TERB1: variants seen among roughly 807,000 people sequenced by gnomAD.
TERB1 encodes the protein telomere repeat binding bouquet formation protein 1.
In TERB1, 63 loss-of-function variants were observed where a neutral mutation model predicts 92.3. The ratio of observed to expected loss-of-function variants is 0.68; its 90% CI spans 0.56 to 0.84. TERB1 has a LOEUF of 0.84. Ranked by LOEUF, TERB1 falls within the 40% of genes least tolerant of loss-of-function variation. The pLI, the probability that TERB1 is intolerant of heterozygous loss-of-function variation, is 0.00. For missense variants in TERB1, 709 were observed against 843.7 expected (o/e 0.84, Z 1.98); for synonymous variants, 252 against 283.9 (o/e 0.89, Z 1.13).
chr16:66,758,516 G>A (rs1474827627), intron 18 of TERB1: 2 of 310,726 alleles, frequency 6.4e-6, no homozygotes, highest in Non-Finnish European at 1.2e-5. Flanking sequence ...CAAGGTGGGT[G>A]GATCACTTGA....
intron 2 of TERB1, among the ~76,000 whole-genome samples, chr16:66,797,433 C>T (rs924598351): frequency 2.6e-5 from 4 of 151,722 alleles, no homozygotes; most frequent in East Asian, 1.9e-4. Flanking sequence ...GACGGGGTTT[C>T]GCCATATTGC....
chr16:66,795,906 G>A (rs537602852), intron 3 of TERB1, among the ~76,000 whole-genome samples: 5 of 152,078 alleles, frequency 3.3e-5, no homozygotes, highest in South Asian at 4.2e-4. Flanking sequence ...GTACCACCAC[G>A]CCCAGTTAAT....
Position 66,786,298 on chromosome 16 carries a change from G to T in TERB1, c.401-13C>A. 6.5e-7 allele frequency: 1 copy of T among 1,529,770 alleles called. No homozygotes were observed. The highest frequency in any genetic ancestry group is 8.8e-7 in the Non-Finnish European group (1 of 1,133,136). 94.8% of individuals were successfully genotyped at this position (1,529,770 alleles called of 1,614,324 possible). On this transcript the variant is annotated splice_polypyrimidine_tract_variant and intron_variant, in intron 6 of 18. Coordinates refer to ENST00000433154, the MANE Select transcript of TERB1 (RefSeq NM_001136505.2). ...GTTTGTCCGGTCCCTTAAAAAAATA[G>T]CCATATAAAAATATGAGTTTTATTT... is the stretch of plus-strand genomic sequence containing the variant.
intron 17 of TERB1, 145 bp downstream of exon 17, chr16:66,758,996 G>T: frequency 1.1e-6 from 1 of 924,186 alleles, no homozygotes. Context: ...TACTCCCTGG[G>T]TACATCTTCA....
chr16:66,783,139 G>C (rs1352170116), intron 9 of TERB1, among the ~76,000 whole-genome samples: 1 of 152,128 alleles, frequency 6.6e-6, no homozygotes, highest in African/African-American at 2.4e-5. Flanking sequence ...TAGGCATAAG[G>C]CACTACACCT....
In TERB1 at chr16:66,778,886, A is replaced by G. The variant is rs1294256842; in HGVS notation, c.830T>C (p.Val277Ala). Reference sequence around the variant, plus strand: ...ACGATTATCAGCAATGCATGCATCCACAGTCTTCGTCACAACCACTGCAAG... The same window carrying G: ...ACGATTATCAGCAATGCATGCATCCGCAGTCTTCGTCACAACCACTGCAAG... ...AKLAVVVTKT[V>A]DACIADNPTF... is the part of the protein sequence containing the mutation. Residue 277 changes from valine to alanine, a missense_variant, in exon 10 of 19, where the codon GTG becomes GCG. Coordinates refer to ENST00000433154, the MANE Select transcript of TERB1 (RefSeq NM_001136505.2). 6.6e-7 allele frequency: 1 copy of G among 1,513,646 alleles called. No homozygotes were observed. The highest frequency in any genetic ancestry group is 8.9e-7 in the Non-Finnish European group (1 of 1,120,610). 93.8% of individuals were successfully genotyped at this position (1,513,646 alleles called of 1,614,324 possible).
chr16:66,769,049 G>C (rs2018398234), intron 14 of TERB1, among the ~76,000 whole-genome samples: 1 of 151,444 alleles, frequency 6.6e-6, no homozygotes, highest in Non-Finnish European at 1.5e-5. Flanking sequence ...AGGTTGCGGT[G>C]AGCCGAGATC....
At chr16:66,788,100 TA>T (rs2018758220) in intron 6 of TERB1, 68 bp downstream of exon 6, 1 of 1,221,820 alleles carries the variant, frequency 8.2e-7, no homozygotes, top group African/African-American at 1.6e-5. Context: ...AGAACTCAAA[TA>T]AAAAATTAAT....
chr16:66,777,150 T>G, intron 11 of TERB1, 53 bp downstream of exon 11: 1 of 1,434,098 alleles, frequency 7.0e-7, no homozygotes. Flanking sequence ...AAAACAGAAG[T>G]ATATTTCCGC....
intron 13 of TERB1, among the ~76,000 whole-genome samples, chr16:66,772,008 A>G (rs1007266405): frequency 5.9e-5 from 9 of 152,124 alleles, no homozygotes. Context: ...TCTTGGCTCA[A>G]TATTCCACAT....
chr16:66,774,222 G>A (rs1449095706), intron 12 of TERB1, among the ~76,000 whole-genome samples: 12 of 115,568 alleles, frequency 1.0e-4, no homozygotes, highest in African/African-American at 3.5e-4. Flanking sequence ...GTCTTGCTCC[G>A]TCGCCCAGGC....
At chr16:66,767,536 T>C in intron 15 of TERB1, 26 bp from the exon 16 acceptor site, 138 of 862,868 alleles carry the variant, frequency 1.6e-4, no homozygotes, top group Non-Finnish European at 2.3e-4. Flanking sequence ...AAATGAAGGA[T>C]TTTTGGATTA....
intron 18 of TERB1, chr16:66,758,438 A>C: frequency 5.0e-6 from 1 of 201,018 alleles, no homozygotes; most frequent in South Asian, 8.7e-5. Flanking sequence ...ATTTAAGTTC[A>C]TTTAAAAATT....
chr16:66,784,133 T>A (rs1257658769), intron 9 of TERB1, among the ~76,000 whole-genome samples: 3 of 152,272 alleles, frequency 2.0e-5, no homozygotes, highest in African/African-American at 4.8e-5. Context: ...ACAGGTAATC[T>A]GAGCTTTCTC....
chr16:66,765,487 T>G (rs1195492664), intron 16 of TERB1, among the ~76,000 whole-genome samples: 1 of 151,786 alleles, frequency 6.6e-6, no homozygotes, highest in Admixed American at 6.6e-5. Context: ...AGACAGAATC[T>G]CGCTCTGTCA....
chr16:66,759,639 A>T lies in TERB1; in HGVS notation c.1781-349T>A, dbSNP rs546442464. On this transcript the variant is annotated intron_variant, in intron 16 of 18. Coordinates refer to ENST00000433154, the MANE Select transcript of TERB1 (RefSeq NM_001136505.2). ...ATGGTGAAACCTCGTCTCTACTAAAAATACAAAAATTAGCAGGGTGTGGTG... is the reference window on the plus strand; with the variant it reads ...ATGGTGAAACCTCGTCTCTACTAAATATACAAAAATTAGCAGGGTGTGGTG... 3.9e-3 allele frequency among the ~76,000 whole-genome samples: 591 copies of T among 151,318 alleles called. 2 individuals are homozygous for T. Among genetic ancestry groups the T allele is most frequent in the African/African-American group, 0.014 (581 of 41,176 alleles).
intron 16 of TERB1, among the ~76,000 whole-genome samples, chr16:66,767,173 C>CA (rs879545796): frequency 0.042 from 3,977 of 95,184 alleles, 182 homozygotes; most frequent in African/African-American, 0.13. Flanking sequence ...CGAAAAAATA[C>CA]AAAAAAAAAA....
At chr16:66,764,330 GA>G (rs1209846248) in intron 16 of TERB1, among the ~76,000 whole-genome samples, 2 of 152,186 alleles carry the variant, frequency 1.3e-5, no homozygotes, top group Non-Finnish European at 2.9e-5. Context: ...AAACGTTTAG[GA>G]TAATTCTCAA....
intron 14 of TERB1, 141 bp downstream of exon 14, chr16:66,769,822 A>T (rs529497506): frequency 1.5e-6 from 1 of 668,554 alleles, no homozygotes; most frequent in African/African-American, 1.8e-5. Context: ...CTTTCCCAAC[A>T]CTTCCTACTT....
Sources: allele counts gnomAD v4.1 joint callset (sites outside exome capture counted in the v4.1 genomes callset), GRCh38; gene constraint gnomAD v4.1.1; transcripts MANE v1.5; gene names NCBI Gene and HGNC (gene_info 2026-07-23, HGNC 2026-07-21).